The following PRDX1 variants were observed in gnomAD, a reference collection of about 807,000 sequenced individuals.
The protein encoded by PRDX1 is peroxiredoxin-1.
PRDX1 carries 19 observed loss-of-function variants against 20.7 expected under a neutral mutation model. That is an observed-to-expected ratio of 0.92 (90% CI 0.64 to 1.35). The LOEUF (loss-of-function observed/expected upper bound fraction) is 1.35, where lower values mean the gene tolerates loss of function less well. Ranked by LOEUF, PRDX1 falls within the 40% of genes most tolerant of loss-of-function variation. The pLI, the probability that PRDX1 is intolerant of heterozygous loss-of-function variation, is 0.00. For missense variants in PRDX1, 226 were observed against 240.0 expected (o/e 0.94, Z 0.38); for synonymous variants, 89 against 83.9 (o/e 1.06, Z -0.33).
chr1:45,517,341 GAGAAA>G (rs1158171244), intron 2 of PRDX1, among the ~76,000 whole-genome samples: 2 of 152,122 alleles, frequency 1.3e-5, no homozygotes, highest in Non-Finnish European at 2.9e-5. Context: ...CTACACCACT[GAGAAA>G]AGGACACTTG....
upstream of PRDX1, chr1:45,522,866 C>T (rs887344790): frequency 6.6e-6 from 1 of 152,204 alleles, no homozygotes; most frequent in East Asian, 1.9e-4. Flanking sequence ...CGCCTCACCT[C>T]CGGAGTGTCT....
chr1:45,513,828 A>G (rs1294789524), intron 5 of PRDX1, among the ~76,000 whole-genome samples: 1 of 152,216 alleles, frequency 6.6e-6, no homozygotes, highest in Non-Finnish European at 1.5e-5. Flanking sequence ...ACCTCTGCCT[A>G]GGAAACCCAG....
rs963576435 is a variant in PRDX1 at position 45,514,554 on chromosome 1, G to C, written c.467C>G (p.Thr156Ser). 2 of 1,614,130 alleles carry C rather than the reference G, an allele frequency of 1.2e-6. No homozygotes were observed. Among genetic ancestry groups the C allele is most frequent in the Non-Finnish European group, 1.7e-6 (2 of 1,179,996 alleles). Residue 156 changes from threonine to serine, a missense_variant, in exon 5 of 6, where the codon ACT becomes AGT. By Grantham distance (58) the Thr-to-Ser change is moderately conservative. Coordinates refer to ENST00000319248, the MANE Select transcript of PRDX1 (RefSeq NM_181697.3). ...DLPVGRSVDE[T>S]LRLVQAFQFT... ...CTGGAAGGCCTGAACTAGTCTCAAA[G>C]TCTCATCCACAGAGCGGCCAACAGG... is the stretch of plus-strand genomic sequence containing the variant.
At position 45,514,500 on chromosome 1, in the gene PRDX1, G is replaced by T; in HGVS notation, c.514+7C>A. The T allele has an allele frequency of 6.2e-7, 1 of 1,613,996 alleles. No homozygotes were observed. Among genetic ancestry groups the T allele is most frequent in the Non-Finnish European group, 8.5e-7 (1 of 1,179,934 alleles). Reference sequence around the variant, plus strand: ...TCTGTTGTCCTGTTATCAGACAGATGGCTTACCTTCCCCATGTTTGTCAGT... The same window carrying T: ...TCTGTTGTCCTGTTATCAGACAGATTGCTTACCTTCCCCATGTTTGTCAGT... On this transcript the variant is annotated splice_region_variant and intron_variant, in intron 5 of 5. Coordinates refer to ENST00000319248, the MANE Select transcript of PRDX1 (RefSeq NM_181697.3).
In PRDX1 at chr1:45,514,967, G is replaced by A. The variant is rs144310103; in HGVS notation, c.289C>T (p.Leu97=). 2.3e-4 allele frequency: 372 copies of A among 1,614,220 alleles called. 4 individuals carry two copies. The South Asian group carries it at 2.7e-3, about 12-fold the overall frequency. ...ACCAAAGGAATGTTCATGGGTCCCA[G>A]TCCTCCTTGTTTCTTAGGTGTATTG... The part of the protein sequence containing the change: ...WVNTPKKQGG[L]GPMNIPLVSD... The change falls in exon 4 of 6, where the codon CTG becomes TTG. Residue 97 remains leucine, a synonymous_variant. Coordinates refer to ENST00000319248, the MANE Select transcript of PRDX1 (RefSeq NM_181697.3).
At position 45,515,635 on chromosome 1, in the gene PRDX1, A is replaced by G; in HGVS notation, c.260+19T>C. 6.4e-7 allele frequency: 1 copy of G among 1,555,062 alleles called. No individual in the cohort carries two copies. The highest frequency in any genetic ancestry group is 8.6e-7 in the Non-Finnish European group (1 of 1,158,732). ...AAAAAAAAAAAAAGTTCACATGCCA[A>G]ATAGACCAAGAGATTTACCATGCTA... On this transcript the variant is annotated intron_variant, in intron 3 of 5. Transcript: ENST00000319248.
At chr1:45,513,311 G>A (rs1358341623) in intron 5 of PRDX1, 2 of 152,192 alleles carry the variant, frequency 1.3e-5, no homozygotes, top group Admixed American at 6.5e-5. Context: ...ATCTTTGGGA[G>A]TGACTGATTC....
chr1:45,518,453 G>A, intron 2 of PRDX1, among the ~76,000 whole-genome samples: 1 of 83,088 alleles, frequency 1.2e-5, no homozygotes, highest in South Asian at 4.2e-4. Flanking sequence ...GGCAACAAGA[G>A]CAAAACTCCA....
chr1:45,512,528 T>C (rs543269224), intron 5 of PRDX1: 1 of 150,510 alleles, frequency 6.6e-6, no homozygotes, highest in East Asian at 2.0e-4. Flanking sequence ...AACAAGACTC[T>C]GTCTCAAAAA....
intron 1 of PRDX1, among the ~76,000 whole-genome samples, chr1:45,520,798 T>TA (rs1247223211): frequency 2.1e-5 from 3 of 141,886 alleles, no homozygotes; most frequent in Non-Finnish European, 3.0e-5. Flanking sequence ...CAGCTACTCC[T>TA]AAGGCTGAGG....
In PRDX1 at chr1:45,511,214, A is replaced by G; in HGVS notation, c.*115T>C. On this transcript the variant is annotated 3_prime_UTR_variant, in exon 6 of 6. Transcript: ENST00000319248. ...GTAGGAAAGGCCTGCCTTGTAAGACACCACAATTCGGCTGAATCTGAAGTC... is the reference window on the plus strand; with the variant it reads ...GTAGGAAAGGCCTGCCTTGTAAGACGCCACAATTCGGCTGAATCTGAAGTC... 1.1e-6 allele frequency: 1 copy of G among 897,222 alleles called. No individual in the cohort carries two copies. Among genetic ancestry groups the G allele is most frequent in the East Asian group, 2.5e-5 (1 of 39,642 alleles). The allele number at this position is 897,222 out of a possible 1,614,324, so 55.6% of individuals were successfully genotyped here.
chr1:45,519,745 G>A (rs1050233012), intron 1 of PRDX1, among the ~76,000 whole-genome samples: 2 of 152,098 alleles, frequency 1.3e-5, no homozygotes, highest in Non-Finnish European at 1.5e-5. Flanking sequence ...ACAGGCGCAG[G>A]CCACCACACC....
intron 1 of PRDX1, among the ~76,000 whole-genome samples, chr1:45,519,903 T>C (rs1030262118): frequency 6.6e-6 from 1 of 152,050 alleles, no homozygotes; most frequent in Non-Finnish European, 1.5e-5. Flanking sequence ...TTCCAGTCAG[T>C]CCAACTTTTA....
chr1:45,513,327 GAGC>G (rs1468731681), intron 5 of PRDX1: 1 of 152,210 alleles, frequency 6.6e-6, no homozygotes, highest in Non-Finnish European at 1.5e-5. Context: ...GATTCTAAAT[GAGC>G]AGGACAGAAG....
rs539081701 is a variant in PRDX1, at chr1:45,518,977, C to G, written c.67G>C (p.Asp23His). 24 of 1,605,972 alleles carry G rather than the reference C, an allele frequency of 1.5e-5. No homozygotes were observed. The South Asian group carries it at 1.6e-4, about 11-fold the overall frequency. ...AGGCTGATATCTTTAAACTGACCAT[C>G]TGGCATAACAGCTGTGGCTTTGAAG... ...PNFKATAVMP[D>H]GQFKDISLSD... The change falls in exon 2 of 6, where the codon GAT becomes CAT. Residue 23 changes from aspartate (D) to histidine (H), a missense_variant. Transcript: ENST00000319248.
rs201801395 is a variant in PRDX1, at chr1:45,511,422, A to G, written c.515-8T>C. 6.2e-7 allele frequency: 1 copy of G among 1,610,682 alleles called. No individual in the cohort carries two copies. Among genetic ancestry groups the G allele is most frequent in the East Asian group, 2.2e-5 (1 of 44,804 alleles). Reference sequence around the variant, plus strand: ...TCCAGCCAGCTGGGCACACTGCAAGAGAAAGGCACCACTAATTAATAACCT... The same window carrying G: ...TCCAGCCAGCTGGGCACACTGCAAGGGAAAGGCACCACTAATTAATAACCT... On this transcript the variant is annotated splice_region_variant and splice_polypyrimidine_tract_variant and intron_variant, in intron 5 of 5. Transcript: ENST00000319248.
chr1:45,520,224 A>AAAAAAAAAAAAAG (rs1168738391), intron 1 of PRDX1, among the ~76,000 whole-genome samples: 2 of 147,898 alleles, frequency 1.4e-5, no homozygotes, highest in South Asian at 2.1e-4. Flanking sequence ...AAAAAAAAAA[A>AAAAAAAAAAAAAG]AGAGGCAAGA....
chr1:45,513,837 A>G (rs578187270), intron 5 of PRDX1, among the ~76,000 whole-genome samples: 1 of 152,200 alleles, frequency 6.6e-6, no homozygotes, highest in Non-Finnish European at 1.5e-5. Flanking sequence ...TAGGAAACCC[A>G]GGTATTGTCC....
At chr1:45,516,035 C>T (rs1204286005) in intron 2 of PRDX1, among the ~76,000 whole-genome samples, 1 of 152,212 alleles carries the variant, frequency 6.6e-6, no homozygotes, top group Non-Finnish European at 1.5e-5. Context: ...CATGTCATAG[C>T]TACCAATACA....
Sources: gnomAD v4.1 joint callset for allele counts (sites outside exome capture counted in the v4.1 genomes callset) on GRCh38, gnomAD v4.1.1 for gene constraint, MANE v1.5 for transcripts, NCBI Gene and HGNC (gene_info 2026-07-23, HGNC 2026-07-21) for gene names.